SCAPER: variants seen among roughly 807,000 people sequenced by gnomAD.
The protein encoded by SCAPER is S-phase cyclin A associated protein in the ER, also known as S phase cyclin A-associated protein in the endoplasmic reticulum.
SCAPER carries 98 observed loss-of-function variants against 182.2 expected under a neutral mutation model. The ratio of observed to expected loss-of-function variants is 0.54; its 90% CI spans 0.46 to 0.64. SCAPER has a LOEUF of 0.64. SCAPER is among the 30% of genes least tolerant of loss of function. The pLI, the probability that SCAPER is intolerant of heterozygous loss-of-function variation, is 0.00. For synonymous variants in SCAPER, 605 were observed against 564.6 expected (o/e 1.07, Z -1.01); for missense variants, 1,432 against 1,690.0 (o/e 0.85, Z 2.68).
intron 1 of SCAPER, among the ~76,000 whole-genome samples, chr15:76,889,976 C>A (rs2074074927): frequency 6.6e-6 from 1 of 152,170 alleles, no homozygotes; most frequent in African/African-American, 2.4e-5. Flanking sequence ...TCTCTCAGAC[C>A]ACAGGGCAAT....
chr15:76,449,059 G>A (rs753584822), intron 25 of SCAPER, among the ~76,000 whole-genome samples: 3 of 152,154 alleles, frequency 2.0e-5, no homozygotes, highest in East Asian at 1.9e-4. Flanking sequence ...AAATACAAAC[G>A]TGAGTCTTGG....
chr15:76,354,040 G>A lies in SCAPER; in HGVS notation c.3956C>T (p.Pro1319Leu). The change falls in exon 30 of 32, where the codon CCT becomes CTT. Residue 1319 changes from proline (P) to leucine (L), a missense_variant. Physicochemically the swap from Pro to Leu is moderately conservative, Grantham distance 98 (BLOSUM62 -3). Transcript: ENST00000563290. The surrounding 1 kb of genome is among the most constrained non-coding windows in gnomAD (Gnocchi z 4.4). ...SDPRLIKVLF[P>L]SLIAACYNNH... ...GTTGTAACAAGCAGCGATAAGTGAA[G>A]GGAACAGTACTTTGATCAGCCGTGG... 6.2e-7 allele frequency: 1 copy of A among 1,609,026 alleles called. No homozygotes were observed. Among genetic ancestry groups the A allele is most frequent in the Non-Finnish European group, 8.5e-7 (1 of 1,178,566 alleles).
At chr15:76,839,525 C>G (rs181867000) in intron 5 of SCAPER, among the ~76,000 whole-genome samples, 1 of 152,196 alleles carries the variant, frequency 6.6e-6, no homozygotes, top group African/African-American at 2.4e-5. Flanking sequence ...TACATCACCA[C>G]CTGTAAGTCT....
chr15:76,389,850 A>AAAAT, intron 27 of SCAPER, among the ~76,000 whole-genome samples: 1 of 152,090 alleles, frequency 6.6e-6, no homozygotes, highest in Non-Finnish European at 1.5e-5. Flanking sequence ...AAGAACAGTA[A>AAAAT]AAATAAAGGG....
At chr15:76,607,203 G>A (rs2050505450) in intron 22 of SCAPER, among the ~76,000 whole-genome samples, 1 of 152,168 alleles carries the variant, frequency 6.6e-6, no homozygotes, top group Non-Finnish European at 1.5e-5. Flanking sequence ...CTCTTTTAGG[G>A]CAGGCCTGGT....
intron 17 of SCAPER, among the ~76,000 whole-genome samples, chr15:76,711,391 A>G (rs1187704683): frequency 6.6e-6 from 1 of 152,218 alleles, no homozygotes; most frequent in East Asian, 1.9e-4. Context: ...ACCAGAGAAG[A>G]CATATGAACA....
chr15:76,880,026 T>C (rs2073432836), intron 2 of SCAPER, among the ~76,000 whole-genome samples: 1 of 152,238 alleles, frequency 6.6e-6, no homozygotes, highest in Non-Finnish European at 1.5e-5. Context: ...AAAGCATCAA[T>C]AAATGAACAT....
chr15:76,445,381 T>C (rs887235703), intron 25 of SCAPER, among the ~76,000 whole-genome samples: 27 of 152,238 alleles, frequency 1.8e-4, no homozygotes, highest in African/African-American at 4.3e-4. Flanking sequence ...GTTCTTTCTA[T>C]GATGAGTGAT....
chr15:76,353,976 G>T lies in SCAPER; in HGVS notation c.4020C>A (p.Ser1340Arg), dbSNP rs766158545. The T allele has an allele frequency of 2.5e-6, 4 of 1,591,804 alleles. No individual in the cohort carries two copies. Among genetic ancestry groups the T allele is most frequent in the Non-Finnish European group, 3.4e-6 (4 of 1,172,746 alleles). ...QNKIILEQEM[S>R]CVLLATFIQD... The stretch of plus-strand genomic sequence containing the variant: ...GAATGAAAGTGGCCAGTAAAACACA[G>T]CTCATCTCTTGCTCCAGAATGATCT... The change falls in exon 30 of 32, where the codon AGC becomes AGA. Residue 1340 changes from serine to arginine, a missense_variant. Coordinates refer to ENST00000563290, the MANE Select transcript of SCAPER (RefSeq NM_020843.4).
chr15:76,833,979 C>T (rs2068728330), intron 5 of SCAPER, among the ~76,000 whole-genome samples: 1 of 152,144 alleles, frequency 6.6e-6, no homozygotes, highest in African/African-American at 2.4e-5. Context: ...ATATTAAGGA[C>T]CTAAATTGAC....
At chr15:76,550,631 T>C (rs950326425) in intron 23 of SCAPER, among the ~76,000 whole-genome samples, 1 of 152,242 alleles carries the variant, frequency 6.6e-6, no homozygotes. Flanking sequence ...TCTTTTTTAT[T>C]GCAAATAATG....
intron 8 of SCAPER, chr15:76,793,340 A>G: frequency 1.4e-6 from 1 of 710,064 alleles, no homozygotes; most frequent in Non-Finnish European, 2.6e-6. Flanking sequence ...TATGCTAATG[A>G]GTTGACAAGT....
At chr15:76,716,572 A>C (rs1358972257) in intron 17 of SCAPER, among the ~76,000 whole-genome samples, 1 of 152,146 alleles carries the variant, frequency 6.6e-6, no homozygotes, top group Admixed American at 6.5e-5. Context: ...AATTAGAAAA[A>C]TAAATCATGA....
intron 4 of SCAPER, among the ~76,000 whole-genome samples, chr15:76,844,246 ATT>A (rs55800317): frequency 0.26 from 38,372 of 145,446 alleles, 5,895 homozygotes; most frequent in East Asian, 0.56. Context: ...AATCAAGGAC[ATT>A]TGAGAGACAA....
chr15:76,609,814 A>G (rs879386427), intron 22 of SCAPER, among the ~76,000 whole-genome samples: 3 of 152,194 alleles, frequency 2.0e-5, no homozygotes, highest in Non-Finnish European at 4.4e-5. Context: ...CTATAATTCT[A>G]TGATTAGGTC....
At chr15:76,632,079 G>A (rs1271230729) in intron 21 of SCAPER, among the ~76,000 whole-genome samples, 2 of 151,960 alleles carry the variant, frequency 1.3e-5, no homozygotes, top group South Asian at 2.1e-4. Flanking sequence ...TCTATTTGGC[G>A]ACTGATACTT....
At chr15:76,859,293 A>G (rs1227421858) in intron 3 of SCAPER, among the ~76,000 whole-genome samples, 1 of 152,234 alleles carries the variant, frequency 6.6e-6, no homozygotes, top group Non-Finnish European at 1.5e-5. Flanking sequence ...TCACTGTTCC[A>G]CCAGGGGTAA....
chr15:76,539,507 C>T (rs1417784008), intron 23 of SCAPER, among the ~76,000 whole-genome samples: 2 of 147,926 alleles, frequency 1.4e-5, no homozygotes, highest in Admixed American at 1.3e-4. Context: ...ATTTTGGCTA[C>T]TTTTTAACAC....
chr15:76,662,983 A>T (rs1346857822), intron 21 of SCAPER, among the ~76,000 whole-genome samples: 1 of 152,122 alleles, frequency 6.6e-6, no homozygotes, highest in East Asian at 1.9e-4. Flanking sequence ...AATAAAAAAA[A>T]TTTGCTTATC....
Sources: allele counts gnomAD v4.1 joint callset (sites outside exome capture counted in the v4.1 genomes callset), GRCh38; gene constraint gnomAD v4.1.1; non-coding constraint Gnocchi (gnomAD v3.1); transcripts MANE v1.5; gene names NCBI Gene and HGNC (gene_info 2026-07-23, HGNC 2026-07-21).